Variants in ALMS1 observed in about 807,000 individuals in gnomAD.
ALMS1 encodes the protein centrosome-associated protein ALMS1.
In ALMS1, 271 loss-of-function variants were observed where a neutral mutation model predicts 352.2. The observed-to-expected ratio is 0.77, with a 90% confidence interval of 0.70 to 0.85. The LOEUF (loss-of-function observed/expected upper bound fraction) is 0.85, where lower values mean the gene tolerates loss of function less well. ALMS1 is among the 40% of genes least tolerant of loss of function. The pLI, the probability that ALMS1 is intolerant of heterozygous loss-of-function variation, is 0.00. For missense variants in ALMS1, 5,445 were observed against 4,870.7 expected (o/e 1.12, Z -3.51); for synonymous variants, 1,865 against 1,761.2 (o/e 1.06, Z -1.48).
At chr2:73,537,046 A>G (rs768769134) in intron 12 of ALMS1, among the ~76,000 whole-genome samples, 3 of 152,136 alleles carry the variant, frequency 2.0e-5, no homozygotes, top group Non-Finnish European at 4.4e-5. Flanking sequence ...TATTTGACCT[A>G]TCTAGTGGTT....
chr2:73,562,990 G>A (rs1403111125), intron 15 of ALMS1, among the ~76,000 whole-genome samples: 7 of 151,576 alleles, frequency 4.6e-5, no homozygotes, highest in Admixed American at 4.6e-4. Context: ...GGTAAAGGGA[G>A]GGAAAAAGAA....
In ALMS1 at chr2:73,489,829, G is replaced by A. The variant is rs375121795; in HGVS notation, c.7870G>A (p.Ala2624Thr). 15 of 1,614,010 alleles carry A rather than the reference G, an allele frequency of 9.3e-6. No homozygotes were observed. The East Asian group carries it at 2.7e-4, about 29-fold the overall frequency. The change falls in exon 10 of 23, where the codon GCC becomes ACC. Residue 2624 changes from alanine to threonine, a missense_variant. Physicochemically the swap from Ala to Thr is moderately conservative, Grantham distance 58 (BLOSUM62 0). Transcript: ENST00000613296. Reference protein sequence around the residue: ...RGRQNPSSCRAKHVNLSASLD... With the variant: ...RGRQNPSSCRTKHVNLSASLD... ...ACGGCAGAACCCATCATCATGCAGAGCCAAGCATGTCAACCTTTCTGCATC... is the reference window on the plus strand; with the variant it reads ...ACGGCAGAACCCATCATCATGCAGAACCAAGCATGTCAACCTTTCTGCATC...
chr2:73,604,007 T>C (rs957464643), intron 21 of ALMS1: 3 of 152,320 alleles, frequency 2.0e-5, no homozygotes, highest in Admixed American at 6.5e-5. Context: ...TTAAACTTTT[T>C]TAAAAGATTA....
rs770424780 is a variant in ALMS1 at position 73,451,514 on chromosome 2, A to C, written c.4987A>C (p.Thr1663Pro). ...GACTGAGACATTACCAGTACATTCT[A>C]CTAGCTACTCAAATAGGGGGAAGCC... The part of the protein sequence containing the change: ...QKTETLPVHS[T>P]SYSNRGKPVI... Residue 1663 changes from threonine to proline, a missense_variant, in exon 8 of 23, where the codon ACT becomes CCT. Coordinates refer to ENST00000613296, the MANE Select transcript of ALMS1 (RefSeq NM_001378454.1). 2.5e-6 allele frequency: 4 copies of C among 1,613,672 alleles called. No individual in the cohort carries two copies. The highest frequency in any genetic ancestry group is 3.4e-6 in the Non-Finnish European group (4 of 1,179,922).
At chr2:73,525,422 C>T (rs762978558) in intron 11 of ALMS1, among the ~76,000 whole-genome samples, 2 of 152,182 alleles carry the variant, frequency 1.3e-5, no homozygotes, top group Non-Finnish European at 2.9e-5. Context: ...CTTTTCTCCA[C>T]ATTCTTGCCA....
At chr2:73,437,530 C>A (rs1032102025) in intron 7 of ALMS1, among the ~76,000 whole-genome samples, 2 of 152,176 alleles carry the variant, frequency 1.3e-5, no homozygotes, top group Non-Finnish European at 2.9e-5. Flanking sequence ...AGTGTTCTTT[C>A]TTTACAGCCT....
intron 10 of ALMS1, among the ~76,000 whole-genome samples, chr2:73,510,686 G>A (rs887779724): frequency 6.6e-6 from 1 of 152,142 alleles, no homozygotes; most frequent in South Asian, 2.1e-4. Flanking sequence ...CAGGAGGCAC[G>A]GGGGTCAGGG....
chr2:73,462,316 A>G (rs1000253835), intron 9 of ALMS1, among the ~76,000 whole-genome samples: 24 of 152,308 alleles, frequency 1.6e-4, no homozygotes, highest in African/African-American at 5.5e-4. Flanking sequence ...ATTCTTAAAG[A>G]AAAGAATTTT....
intron 7 of ALMS1, among the ~76,000 whole-genome samples, chr2:73,438,860 G>A (rs776985898): frequency 6.6e-6 from 1 of 151,824 alleles, no homozygotes; most frequent in African/African-American, 2.4e-5. Flanking sequence ...CGAACATTTA[G>A]GATTGCTTTG....
intron 10 of ALMS1, among the ~76,000 whole-genome samples, chr2:73,513,910 C>T (rs1673503110): frequency 6.6e-6 from 1 of 152,084 alleles, no homozygotes; most frequent in Admixed American, 6.6e-5. Flanking sequence ...TGCTCTGGCC[C>T]GTTGTCACTC....
At chr2:73,552,642 T>G (rs1674463567) in intron 13 of ALMS1, among the ~76,000 whole-genome samples, 1 of 152,328 alleles carries the variant, frequency 6.6e-6, no homozygotes, top group Non-Finnish European at 1.5e-5. Context: ...ACTTACAGAC[T>G]TTGCATCCTA....
chr2:73,426,586 C>CGT, intron 6 of ALMS1, 33 bp downstream of exon 6: 1 of 1,598,918 alleles, frequency 6.3e-7, no homozygotes, highest in Non-Finnish European at 8.6e-7. Context: ...TTGTAAGAAA[C>CGT]GTGGCCTTTT....
chr2:73,479,212 T>C lies in ALMS1; in HGVS notation c.7675-10422T>C, dbSNP rs189661542. On this transcript the variant is annotated intron_variant, in intron 9 of 22. Transcript: ENST00000613296. ...ACATGTGATAAATAATATAGAGATA[T>C]CACATATACCCTTCACCCAATTTCC... Among the ~76,000 whole-genome samples the C allele has an allele frequency of 3.9e-5, 6 of 152,306 alleles. No homozygotes were observed. In the East Asian group the frequency reaches 9.6e-4, roughly 24 times the overall value.
Position 73,385,933 on chromosome 2 carries a change from AGG to A in ALMS1, c.66_67del (p.Glu23GlyfsTer103). 2 of 1,097,518 alleles carry A rather than the reference AGG, an allele frequency of 1.8e-6. No individual in the cohort carries two copies. The highest frequency in any genetic ancestry group is 2.7e-6 in the Non-Finnish European group (2 of 738,594). 68.0% of individuals were successfully genotyped at this position (1,097,518 alleles called of 1,614,324 possible). On this transcript the variant is annotated frameshift_variant, in exon 1 of 23. Coordinates refer to ENST00000613296, the MANE Select transcript of ALMS1 (RefSeq NM_001378454.1). LOFTEE classifies it high-confidence loss of function. ...GAGGAGGAGGAGGAGGAGGAGGAGG[AGG>A]AGGAGGAAGAGGAGGAGGCTGCAGC...
chr2:73,608,465 C>T lies in ALMS1; in HGVS notation c.12363-10C>T, dbSNP rs768640962. 6.2e-7 allele frequency: 1 copy of T among 1,609,760 alleles called. No homozygotes were observed. Among genetic ancestry groups the T allele is most frequent in the South Asian group, 1.1e-5 (1 of 90,892 alleles). On this transcript the variant is annotated splice_polypyrimidine_tract_variant and intron_variant, in intron 21 of 22. Transcript: ENST00000613296. ...CCGATTTCTGTCCTTTCACTGGTGC[C>T]ATTTCTAAGGATTTATGAGCAGCTT...
chr2:73,480,902 C>T lies in ALMS1; in HGVS notation c.7675-8732C>T, dbSNP rs568770459. Among the ~76,000 whole-genome samples the T allele has an allele frequency of 6.4e-4, 95 of 147,652 alleles. No homozygotes were observed. The South Asian group carries it at 0.013, about 21-fold the overall frequency. ...TTGAGAAGTGTCTGTTCATGTCCTT[C>T]GCCCACTTTTTGATGGGGTTGTTTG... On this transcript the variant is annotated intron_variant, in intron 9 of 22. Coordinates refer to ENST00000613296, the MANE Select transcript of ALMS1 (RefSeq NM_001378454.1).
intron 21 of ALMS1, among the ~76,000 whole-genome samples, chr2:73,604,835 GTAAAATCAC>G (rs1368695945): frequency 6.6e-6 from 1 of 152,164 alleles, no homozygotes; most frequent in East Asian, 1.9e-4. Context: ...ATGGGGAGGA[GTAAAATCAC>G]TGGTGTCTTA....
chr2:73,466,008 G>A (rs1239472598), intron 9 of ALMS1, among the ~76,000 whole-genome samples: 2 of 4,496 alleles, frequency 4.4e-4, no homozygotes, highest in Non-Finnish European at 7.5e-4. Flanking sequence ...AGGATGTGGA[G>A]AAATAGGAAC....
intron 11 of ALMS1, among the ~76,000 whole-genome samples, chr2:73,523,777 CA>C (rs879472220): frequency 3.3e-3 from 456 of 137,030 alleles, no homozygotes; most frequent in Middle Eastern, 3.8e-3. Flanking sequence ...CCTTCCCCAC[CA>C]AAAAAAAAAA....
Sources: allele counts gnomAD v4.1 joint callset (sites outside exome capture counted in the v4.1 genomes callset), GRCh38; gene constraint gnomAD v4.1.1; transcripts MANE v1.5; gene names NCBI Gene and HGNC (gene_info 2026-07-23, HGNC 2026-07-21).